The following KLF17 variants were observed in gnomAD, a reference collection of about 807,000 sequenced individuals.
KLF17 encodes the protein KLF transcription factor 17, also known as Krueppel-like factor 17.
A neutral mutation model predicts 34.2 loss-of-function variants in KLF17; 31 were observed. That is an observed-to-expected ratio of 0.91 (90% CI 0.68 to 1.22). The LOEUF is 1.22. Ranked by LOEUF, KLF17 falls within the 50% of genes most tolerant of loss-of-function variation. The probability of loss-of-function intolerance (pLI) is 0.00; values close to 1 mark genes in which losing one functional copy is unlikely to be tolerated. For synonymous variants in KLF17, 179 were observed against 186.7 expected (o/e 0.96, Z 0.34); for missense variants, 478 against 505.2 (o/e 0.95, Z 0.52).
chr1:44,132,478 T>G (rs2088123016), intron 3 of KLF17, among the ~76,000 whole-genome samples: 1 of 152,156 alleles, frequency 6.6e-6, no homozygotes, highest in Non-Finnish European at 1.5e-5. Flanking sequence ...TACTGTGACC[T>G]CTGCAAGGCT....
At chr1:44,070,440 C>T in the KLF17 span, among the ~76,000 whole-genome samples, 1 of 152,040 alleles carries the variant, frequency 6.6e-6, no homozygotes, top group South Asian at 2.1e-4. Flanking sequence ...AGACAGAACA[C>T]GTGGTATTTG....
At chr1:44,091,961 A>ACTCTCT in the KLF17 span, among the ~76,000 whole-genome samples, 32 of 116,552 alleles carry the variant, frequency 2.7e-4, no homozygotes, top group African/African-American at 1.1e-3. Flanking sequence ...ACACACACAC[A>ACTCTCT]CTCTCTCTCT....
Position 44,119,005 on chromosome 1 carries a change from C to T in KLF17, c.81+17C>T, listed in dbSNP as rs1187734771. 2.5e-6 allele frequency: 4 copies of T among 1,592,902 alleles called. No homozygotes were observed. Among genetic ancestry groups the T allele is most frequent in the South Asian group, 1.1e-5 (1 of 88,318 alleles). On this transcript the variant is annotated intron_variant, in intron 1 of 3. Transcript: ENST00000372299. ...GCTGCCCAGGTGAGTCAGGTGCCAG[C>T]CCCTGGCAGGCCGGGCGGGCCCAGG...
At chr1:44,093,729 A>G in the KLF17 span, among the ~76,000 whole-genome samples, 49,451 of 152,044 alleles carry the variant, frequency 0.33, 8,199 homozygotes, top group South Asian at 0.38. Context: ...TTGATGTTCA[A>G]CGTCAGTGCT....
At chr1:44,047,790 G>C in the KLF17 span, among the ~76,000 whole-genome samples, 2 of 152,150 alleles carry the variant, frequency 1.3e-5, no homozygotes, top group African/African-American at 4.8e-5. Context: ...CTTAGATAGG[G>C]AAGAGGAAGA....
At chr1:44,131,665 C>T (rs2088110697) in intron 3 of KLF17, among the ~76,000 whole-genome samples, 1 of 152,130 alleles carries the variant, frequency 6.6e-6, no homozygotes, top group Non-Finnish European at 1.5e-5. Context: ...ATCTGGCATC[C>T]CAAGTTGCTG....
At chr1:44,103,321 G>C in the KLF17 span, 1 of 734,090 alleles carries the variant, frequency 1.4e-6, no homozygotes, top group Non-Finnish European at 2.5e-6. Flanking sequence ...TGGGCAGGAC[G>C]TCAAAGGACT....
chr1:44,127,625 T>TTTC (rs1553171615), intron 1 of KLF17, among the ~76,000 whole-genome samples: 6 of 63,534 alleles, frequency 9.4e-5, no homozygotes, highest in African/African-American at 3.3e-4. Context: ...TTTTCTTTTC[T>TTTC]TTTCTTTTCT....
chr1:44,091,533 G>C, the KLF17 span, among the ~76,000 whole-genome samples: 1 of 149,968 alleles, frequency 6.7e-6, no homozygotes, highest in Non-Finnish European at 1.5e-5. Context: ...GCACGCACCT[G>C]TAATCCCAGC....
rs534190118 is a variant in KLF17 at position 44,131,123 on chromosome 1, C to G, written c.*367C>G. Among the ~76,000 whole-genome samples, 7 of 152,262 alleles carry G rather than the reference C, an allele frequency of 4.6e-5. No individual in the cohort carries two copies. In the South Asian group the frequency reaches 1.5e-3, roughly 32 times the overall value. ...TTCTGGCTTTTCTACACAGATCCTA[C>G]CTGCCTCTGACCAGTTCTTCTCTTT... On this transcript the variant is annotated intron_variant, in intron 3 of 3. Transcript: ENST00000372299.
intron 1 of KLF17, among the ~76,000 whole-genome samples, chr1:44,127,692 T>TTCTTTCTTTCTTTCTTTTTCTTTCTTTC (rs753421834): frequency 3.3e-5 from 3 of 90,132 alleles, no homozygotes; most frequent in African/African-American, 1.1e-4. Flanking sequence ...CTTTCTTTCT[T>TTCTTTCTTTCTTTCTTTTTCTTTCTTTC]TTTCTTTCTT....
chr1:44,124,160 G>A (rs1184938663), intron 1 of KLF17, among the ~76,000 whole-genome samples: 1 of 151,776 alleles, frequency 6.6e-6, no homozygotes, highest in African/African-American at 2.4e-5. Flanking sequence ...AATCCATTCT[G>A]CCAAATTGTC....
chr1:44,120,812 A>G (rs1417364486), intron 1 of KLF17, among the ~76,000 whole-genome samples: 1 of 152,208 alleles, frequency 6.6e-6, no homozygotes, highest in Non-Finnish European at 1.5e-5. Context: ...GTTGCTGAGC[A>G]TATAGTGGTA....
the KLF17 span, among the ~76,000 whole-genome samples, chr1:44,100,812 C>T: frequency 6.6e-6 from 1 of 152,084 alleles, no homozygotes; most frequent in Non-Finnish European, 1.5e-5. Flanking sequence ...GAGCCACCAC[C>T]GCCCAGCCCA....
the KLF17 span, chr1:44,046,022 T>C: frequency 6.6e-6 from 1 of 152,056 alleles, no homozygotes; most frequent in African/African-American, 2.4e-5. Flanking sequence ...GACGTTTTCT[T>C]AATATTTCTT....
chr1:44,110,938 C>A, the KLF17 span, among the ~76,000 whole-genome samples: 2 of 151,612 alleles, frequency 1.3e-5, no homozygotes, highest in African/African-American at 4.8e-5. Flanking sequence ...GCCTGGGCAA[C>A]AAAGCGAAAC....
At chr1:44,083,525 G>C in the KLF17 span, among the ~76,000 whole-genome samples, 2 of 152,206 alleles carry the variant, frequency 1.3e-5, no homozygotes, top group Middle Eastern at 3.4e-3. Flanking sequence ...AGCCAGGCGC[G>C]GTGGCTCACG....
the KLF17 span, chr1:44,103,702 C>A: frequency 6.3e-7 from 1 of 1,582,506 alleles, no homozygotes; most frequent in Non-Finnish European, 8.7e-7. Context: ...GGCTGGAGGG[C>A]GGCCTCCAGC....
the KLF17 span, among the ~76,000 whole-genome samples, chr1:44,083,495 G>T: frequency 3.9e-5 from 6 of 152,010 alleles, no homozygotes; most frequent in Non-Finnish European, 7.4e-5. Flanking sequence ...AAGGCTAAAA[G>T]CTCATGAAAT....
Sources: allele counts gnomAD v4.1 joint callset (sites outside exome capture counted in the v4.1 genomes callset), GRCh38; gene constraint gnomAD v4.1.1; transcripts MANE v1.5; gene names NCBI Gene and HGNC (gene_info 2026-07-23, HGNC 2026-07-21).